The following TRIM64C variants were observed in gnomAD, a reference collection of about 807,000 sequenced individuals.
TRIM64C encodes tripartite motif-containing protein 64C.
In TRIM64C, 25 loss-of-function variants were observed where a neutral mutation model predicts 36.1. The observed-to-expected ratio is 0.69, with a 90% CI of 0.51 to 0.97. The LOEUF (loss-of-function observed/expected upper bound fraction) is 0.97. Ranked by LOEUF, TRIM64C falls within the 50% of genes least tolerant of loss-of-function variation. The probability of loss-of-function intolerance (pLI) is 0.00; values close to 1 mark genes in which losing one functional copy is unlikely to be tolerated. For missense variants in TRIM64C, 489 were observed against 536.8 expected (o/e 0.91, Z 0.88); for synonymous variants, 212 against 185.7 (o/e 1.14, Z -1.15).
intron 2 of TRIM64C, 80 bp from the exon 3 acceptor site, chr11:49,057,458 T>C: frequency 7.2e-7 from 1 of 1,388,468 alleles, no homozygotes; most frequent in South Asian, 1.3e-5. Flanking sequence ...CTGGGTGTAA[T>C]CAAGCAATTT....
In TRIM64C at chr11:49,055,341, A is replaced by G; in HGVS notation, c.828T>C (p.Thr276=). 1.3e-6 allele frequency: 2 copies of G among 1,535,912 alleles called. No homozygotes were observed. Among genetic ancestry groups the G allele is most frequent in the Non-Finnish European group, 1.7e-6 (2 of 1,146,822 alleles). The change falls in exon 5 of 6, where the codon ACT becomes ACC. Residue 276 remains threonine, a synonymous_variant. Coordinates refer to ENST00000617704, the MANE Select transcript of TRIM64C (RefSeq NM_001206631.1). ...VNPELTSWCI[T]GVLDMLNNFR... is the part of the protein sequence containing the mutation. Reference sequence around the variant, plus strand: ...AGTTGTTGAGCATGTCTAGGACTCCAGTTATGCACCATGAAGTGAGCTCTG... The same window carrying G: ...AGTTGTTGAGCATGTCTAGGACTCCGGTTATGCACCATGAAGTGAGCTCTG...
intron 5 of TRIM64C, among the ~76,000 whole-genome samples, chr11:49,055,043 C>T (rs924952038): frequency 6.6e-6 from 1 of 152,182 alleles, no homozygotes; most frequent in African/African-American, 2.4e-5. Context: ...CTAGTGTCTT[C>T]GTAACTACAT....
chr11:49,055,253 C>A, intron 5 of TRIM64C, 57 bp downstream of exon 5: 1 of 1,532,142 alleles, frequency 6.5e-7, no homozygotes, highest in Non-Finnish European at 8.7e-7. Flanking sequence ...AAGCCTCAAC[C>A]AAGGGACCCA....
chr11:49,054,696 T>C (rs1163357598), intron 5 of TRIM64C, among the ~76,000 whole-genome samples: 15 of 151,880 alleles, frequency 9.9e-5, no homozygotes, highest in Non-Finnish European at 2.2e-4. Flanking sequence ...ACATTATCTG[T>C]TTAGCCCCTG....
In TRIM64C at chr11:49,058,730, A is replaced by G. The variant is rs1854845281; in HGVS notation, c.383T>C (p.Ile128Thr). The G allele has an allele frequency of 5.2e-6, 8 of 1,547,148 alleles. No individual in the cohort carries two copies. The highest frequency in any genetic ancestry group is 4.1e-5 in the African/African-American group (3 of 72,478). Residue 128 changes from isoleucine (I) to threonine (T), a missense_variant, in exon 1 of 6, where the codon ATA (isoleucine) becomes ACA (threonine). Transcript: ENST00000617704. ...CCTGCATTCCTCAGCAGCCCATCCT[A>G]TTGGGCTGTGGCTGTGAGCCATGTG... Reference protein sequence around the residue: ...PEHMAHSHSPIGWAAEECRVQ... With the variant: ...PEHMAHSHSPTGWAAEECRVQ...
rs1008542003 is a variant in TRIM64C at position 49,058,722 on chromosome 11, C to T, written c.391G>A (p.Ala131Thr). ...TCACGTACCCTGCATTCCTCAGCAG[C>T]CCATCCTATTGGGCTGTGGCTGTGA... ...MAHSHSPIGWAAEECRVQKLI... is the reference protein window; with the variant it reads ...MAHSHSPIGWTAEECRVQKLI... The change falls in exon 1 of 6, where the codon GCT (alanine) becomes ACT (threonine). Residue 131 changes from alanine (A) to threonine (T), a missense_variant. By Grantham distance (58) the Ala-to-Thr change is moderately conservative. Transcript: ENST00000617704. The T allele has an allele frequency of 1.9e-6, 3 of 1,546,818 alleles. No homozygotes were observed. The highest frequency in any genetic ancestry group is 2.4e-5 in the South Asian group (2 of 83,966).
Position 49,054,278 on chromosome 11 carries a change from T to C in TRIM64C, c.860-71A>G, listed in dbSNP as rs552937942. On this transcript the variant is annotated intron_variant, in intron 5 of 5. Coordinates refer to ENST00000617704, the MANE Select transcript of TRIM64C (RefSeq NM_001206631.1). ...AGGCTCTGTGGCCCAATTATTCACT[T>C]CATTTGCTCTTCTTCCAAGGAAATA... 14 of 1,470,666 alleles carry C rather than the reference T, an allele frequency of 9.5e-6. No homozygotes were observed. The Admixed American group carries it at 2.4e-4, about 26-fold the overall frequency. The allele number at this position is 1,470,666 out of a possible 1,614,324, so 91.1% of individuals were successfully genotyped here.
chr11:49,057,134 C>T lies in TRIM64C; in HGVS notation c.738+14G>A, dbSNP rs1854822848. 6.5e-7 allele frequency: 1 copy of T among 1,548,724 alleles called. No homozygotes were observed. Among genetic ancestry groups the T allele is most frequent in the Non-Finnish European group, 8.7e-7 (1 of 1,146,480 alleles). ...AAGGCTTCCTGTCTCTGAGGATGGA[C>T]CCTCCCTCCTCACCTGGAGCAGCTC... On this transcript the variant is annotated intron_variant, in intron 3 of 5. Transcript: ENST00000617704.
Position 49,058,692 on chromosome 11 carries a change from A to G in TRIM64C, c.412+9T>C, listed in dbSNP as rs769594781. The G allele has an allele frequency of 4.5e-6, 7 of 1,543,488 alleles. No homozygotes were observed. In the South Asian group the frequency reaches 7.1e-5, roughly 16 times the overall value. The stretch of plus-strand genomic sequence containing the variant: ...TTCTGTATAATTCAAACTGCCTTAG[A>G]GGCATCACGTACCCTGCATTCCTCA... On this transcript the variant is annotated intron_variant, in intron 1 of 5. Transcript: ENST00000617704.
intron 2 of TRIM64C, 101 bp from the exon 3 acceptor site, chr11:49,057,479 T>C: frequency 8.2e-7 from 1 of 1,222,248 alleles, no homozygotes; most frequent in East Asian, 2.5e-5. Context: ...ATAAACTTTC[T>C]GCTTCACTCT....
intron 5 of TRIM64C, among the ~76,000 whole-genome samples, 159 bp from the exon 6 acceptor site, chr11:49,054,366 C>T (rs1854789101): frequency 6.6e-6 from 1 of 152,114 alleles, no homozygotes; most frequent in Non-Finnish European, 1.5e-5. Flanking sequence ...TGTTATTATA[C>T]CTCTACAGCA....
chr11:49,055,325 G>T lies in TRIM64C; in HGVS notation c.844C>A (p.Leu282Ile). The change falls in exon 5 of 6, where the codon CTC (leucine) becomes ATC (isoleucine). Residue 282 changes from leucine to isoleucine, a missense_variant. By Grantham distance (5) the Leu-to-Ile change is conservative (BLOSUM62 2). Transcript: ENST00000617704. ...SWCITGVLDM[L>I]NNFRVDNALS... Reference sequence around the variant, plus strand: ...TGGCTCTTGCCTCTGAAGTTGTTGAGCATGTCTAGGACTCCAGTTATGCAC... The same window carrying T: ...TGGCTCTTGCCTCTGAAGTTGTTGATCATGTCTAGGACTCCAGTTATGCAC... The T allele has an allele frequency of 6.5e-7, 1 of 1,535,896 alleles. No homozygotes were observed. Among genetic ancestry groups the T allele is most frequent in the Non-Finnish European group, 8.7e-7 (1 of 1,146,838 alleles).
Position 49,056,379 on chromosome 11 carries a change from A to G in TRIM64C, c.741T>C (p.Asp247=). The change falls in exon 4 of 6, where the codon GAT becomes GAC. Residue 247 remains aspartate (D), a splice_region_variant and synonymous_variant. Transcript: ENST00000617704. ...YHMPDVELLQ[D]VGNISARTDL... ...CTCACCTTGCCGATATATTTCCCACATCCTGCAAAAAAAATAAAATGTAAT... is the reference window on the plus strand; with the variant it reads ...CTCACCTTGCCGATATATTTCCCACGTCCTGCAAAAAAAATAAAATGTAAT... 1.3e-6 allele frequency: 2 copies of G among 1,541,670 alleles called. No homozygotes were observed. The highest frequency in any genetic ancestry group is 1.8e-6 in the Non-Finnish European group (2 of 1,140,452).
intron 1 of TRIM64C, 131 bp downstream of exon 1, chr11:49,058,570 A>G (rs1854841800): frequency 2.0e-6 from 3 of 1,474,792 alleles, no homozygotes; most frequent in Non-Finnish European, 1.8e-6. Context: ...GAAAGGACAC[A>G]TTTATGTGTT....
chr11:49,054,449 A>C (rs1356427425), intron 5 of TRIM64C, among the ~76,000 whole-genome samples: 1 of 152,232 alleles, frequency 6.6e-6, no homozygotes, highest in Non-Finnish European at 1.5e-5. Context: ...GTAATGATTT[A>C]ATGTCTATCT....
At chr11:49,055,255 A>C in intron 5 of TRIM64C, 55 bp downstream of exon 5, 1 of 1,532,796 alleles carries the variant, frequency 6.5e-7, no homozygotes, top group Non-Finnish European at 8.7e-7. Context: ...GCCTCAACCA[A>C]GGGACCCAAT....
At position 49,058,846 on chromosome 11, in the gene TRIM64C, G is replaced by A. The variant is rs1346060235; in HGVS notation, c.267C>T (p.Asp89=). Residue 89 remains aspartate (D), a synonymous_variant, in exon 1 of 6, where the codon GAC becomes GAT. Coordinates refer to ENST00000617704, the MANE Select transcript of TRIM64C (RefSeq NM_001206631.1). ...TCTCCTCATGGAGCACACAGATATTGTCTGAGCTGTTGATGTTCTGAGGTC... is the reference window on the plus strand; with the variant it reads ...TCTCCTCATGGAGCACACAGATATTATCTGAGCTGTTGATGTTCTGAGGTC... ...QTRPQNINSS[D]NICVLHEETK... is the part of the protein sequence containing the mutation. The A allele has an allele frequency of 6.5e-7, 1 of 1,549,366 alleles. No homozygotes were observed. The highest frequency in any genetic ancestry group is 2.4e-5 in the East Asian group (1 of 40,908).
Position 49,054,053 on chromosome 11 carries a change from G to A in TRIM64C, c.1014C>T (p.Ser338=), listed in dbSNP as rs2851535. Residue 338 remains serine (S), a synonymous_variant, in exon 6 of 6, where the codon TCC becomes TCT. Coordinates refer to ENST00000617704, the MANE Select transcript of TRIM64C (RefSeq NM_001206631.1). ...CATCCACTTCCCAGTAATGCTTGCC[G>A]GAGGTGAATGCTTGCGCACACCACA... ...FAVWCAQAFT[S]GKHYWEVDVT... is the part of the protein sequence containing the mutation. 0.8 allele frequency: 1,242,036 copies of A among 1,551,432 alleles called. 501,193 individuals are homozygous for A. Among genetic ancestry groups the A allele is most frequent in the African/African-American group, 0.84 (61,103 of 73,110 alleles).
rs1243447973 is a variant in TRIM64C at position 49,056,260 on chromosome 11, G to A, written c.761+99C>T. On this transcript the variant is annotated intron_variant, in intron 4 of 5. Transcript: ENST00000617704. The stretch of plus-strand genomic sequence containing the variant: ...CTCTTTTGAAACAAAATCAGAAATA[G>A]CCACTGAGAATGATGTTAGTACTCA... The A allele has an allele frequency of 1.9e-5, 17 of 883,950 alleles. No homozygotes were observed. In the East Asian group the frequency reaches 4.3e-4, roughly 22 times the overall value. The allele number at this position is 883,950 out of a possible 1,614,324, so 54.8% of individuals were successfully genotyped here. A position where few individuals can be genotyped will look rare whatever the true frequency, so the allele number is the denominator to read the frequency against.
Sources: allele counts gnomAD v4.1 joint callset (sites outside exome capture counted in the v4.1 genomes callset), GRCh38; gene constraint gnomAD v4.1.1; transcripts MANE v1.5; gene names NCBI Gene and HGNC (gene_info 2026-07-23, HGNC 2026-07-21).